Variants in ZSWIM8 observed in about 807,000 individuals in gnomAD.
The protein encoded by ZSWIM8 is zinc finger SWIM-type containing 8.
Under a neutral mutation model 173.7 loss-of-function variants are expected in ZSWIM8, and 27 were observed. That is an observed-to-expected ratio of 0.16 (90% CI 0.11 to 0.21). ZSWIM8 has a LOEUF of 0.21. Among genes scored for constraint, ZSWIM8 ranks in the 10% least tolerant of loss-of-function variants. The probability of loss-of-function intolerance (pLI) is 1.00; values close to 1 mark genes in which losing one functional copy is unlikely to be tolerated. For synonymous variants in ZSWIM8, 958 were observed against 962.0 expected, an observed-to-expected ratio of 1.00 and a Z score of 0.08; for missense variants, 1,627 against 2,428.8, an observed-to-expected ratio of 0.67 and a Z score of 6.94.
chr10:73,786,143 A>T, intron 1 of ZSWIM8, 57 bp downstream of exon 1: 1 of 1,457,752 alleles, frequency 6.9e-7, no homozygotes, highest in Non-Finnish European at 9.1e-7. Context: ...CTCGCTCGGG[A>T]GCTGTCCGGG....
rs560039571 is a variant in ZSWIM8, at chr10:73,791,919, G to A, written c.1380G>A (p.Lys460=). 247 of 1,551,874 alleles carry A rather than the reference G, an allele frequency of 1.6e-4. 3 individuals are homozygous for A. In the African/African-American group the frequency reaches 2.5e-3, roughly 16 times the overall value. ...AACTGAAGGTGATTGAGAACGTCAA[G>A]CGGGGCCAACACAAGAAGACGCTGG... is the stretch of plus-strand genomic sequence containing the variant. ...QWQLKVIENV[K]RGQHKKTLER... Residue 460 remains lysine, a synonymous_variant, in exon 10 of 26, where the codon AAG becomes AAA. Coordinates refer to ENST00000604729, the MANE Select transcript of ZSWIM8 (RefSeq NM_001367799.1). The surrounding 1 kb of genome is among the most constrained non-coding windows in gnomAD (Gnocchi z 6.0).
intron 7 of ZSWIM8, 122 bp downstream of exon 7, chr10:73,790,414 G>A: frequency 1.4e-6 from 2 of 1,392,974 alleles, no homozygotes; most frequent in Non-Finnish European, 1.9e-6. Context: ...AACTGGCACA[G>A]TGCCTGGCAC....
Position 73,794,129 on chromosome 10 carries a change from T to C in ZSWIM8, c.2626-18T>C. On this transcript the variant is annotated intron_variant, in intron 12 of 25. Transcript: ENST00000604729. ...CTATTGACACACCAGAGGTCTGAGC[T>C]CCTTCCTGTGCCCTCAGGTGAAGCT... is the stretch of plus-strand genomic sequence containing the variant. The C allele has an allele frequency of 6.2e-7, 1 of 1,613,680 alleles. No homozygotes were observed. The highest frequency in any genetic ancestry group is 8.5e-7 in the Non-Finnish European group (1 of 1,179,670).
In ZSWIM8 at chr10:73,793,936, C is replaced by A; in HGVS notation, c.2517C>A (p.Phe839Leu). ...VATNTLSKAA[F>L]LLTVLSERPE... The stretch of plus-strand genomic sequence containing the variant: ...CCAACACCCTGAGCAAGGCGGCCTT[C>A]CTGTTGACAGTGCTAAGTGAGCGTC... Residue 839 changes from phenylalanine (F) to leucine (L), a missense_variant, in exon 12 of 26, where the codon TTC (phenylalanine) becomes TTA (leucine). Coordinates refer to ENST00000604729, the MANE Select transcript of ZSWIM8 (RefSeq NM_001367799.1). The A allele has an allele frequency of 1.2e-6, 2 of 1,613,530 alleles. No homozygotes were observed. Among genetic ancestry groups the A allele is most frequent in the Non-Finnish European group, 1.7e-6 (2 of 1,179,714 alleles).
Position 73,794,217 on chromosome 10 carries a change from T to C in ZSWIM8, c.2696T>C (p.Met899Thr). 6.2e-7 allele frequency: 1 copy of C among 1,614,004 alleles called. No individual in the cohort carries two copies. Among genetic ancestry groups the C allele is most frequent in the Non-Finnish European group, 8.5e-7 (1 of 1,179,886 alleles). ...LKKIPLGPSE[M>T]STMRCRAEEL... Reference sequence around the variant, plus strand: ...AAGATCCCTCTGGGTCCAAGTGAGATGAGTACCATGCGGTGCCGGGCAGAG... The same window carrying C: ...AAGATCCCTCTGGGTCCAAGTGAGACGAGTACCATGCGGTGCCGGGCAGAG... The change falls in exon 13 of 26, where the codon ATG becomes ACG. Residue 899 changes from methionine (M) to threonine (T), a missense_variant. Met to Thr is a moderately conservative substitution (Grantham distance 81, BLOSUM62 -1). Around this residue, in one of 18 missense-constraint regions of ZSWIM8, gnomAD observed 169 missense variants for 235.3 expected, o/e 0.72. Transcript: ENST00000604729.
In ZSWIM8 at chr10:73,801,689, T is replaced by C; in HGVS notation, c.*170T>C. The C allele has an allele frequency of 6.5e-7, 1 of 1,533,264 alleles. No individual in the cohort carries two copies. Among genetic ancestry groups the C allele is most frequent in the East Asian group, 2.5e-5 (1 of 40,762 alleles). 95.0% of individuals were successfully genotyped at this position (1,533,264 alleles called of 1,614,324 possible). A position where few individuals can be genotyped will look rare whatever the true frequency, so the allele number is the denominator to read the frequency against. ...CTTGGGGCCAAGATGTCTCACACCC[T>C]AGAAGCCTAGGGCTGGGGGAGACAG... On this transcript the variant is annotated 3_prime_UTR_variant, in exon 26 of 26. Transcript: ENST00000604729. This position sits in a 1 kb window ranked among gnomAD's most constrained non-coding sequence, Gnocchi z 4.9.
chr10:73,799,955 G>C, intron 21 of ZSWIM8, 56 bp from the exon 22 acceptor site: 1 of 1,569,498 alleles, frequency 6.4e-7, no homozygotes, highest in East Asian at 2.2e-5. Context: ...GGTGAAGCAC[G>C]ACAGCAACAT....
chr10:73,796,908 G>A lies in ZSWIM8; in HGVS notation c.3168G>A (p.Gly1056=). The change falls in exon 16 of 26, where the codon GGG becomes GGA. Residue 1056 remains glycine (G), a synonymous_variant. Transcript: ENST00000604729. ...AGCACGGGGGCCCATCTGCCCCAGG[G>A]GCCCTGCAACCACTGACCTCAGGCT... is the stretch of plus-strand genomic sequence containing the variant. ...PSKHGGPSAP[G]ALQPLTSGSA... is the part of the protein sequence containing the mutation. 1.2e-6 allele frequency: 2 copies of A among 1,614,034 alleles called. No homozygotes were observed. Among genetic ancestry groups the A allele is most frequent in the Non-Finnish European group, 8.5e-7 (1 of 1,179,896 alleles).
In ZSWIM8 at chr10:73,791,352, C is replaced by T. The variant is rs1220310607; in HGVS notation, c.1172C>T (p.Thr391Ile). 6.2e-7 allele frequency: 1 copy of T among 1,612,790 alleles called. No homozygotes were observed. The highest frequency in any genetic ancestry group is 1.1e-5 in the South Asian group (1 of 91,012). The change falls in exon 9 of 26, where the codon ACC (threonine) becomes ATC (isoleucine). Residue 391 changes from threonine to isoleucine, a missense_variant. Physicochemically the swap from Thr to Ile is moderately conservative, Grantham distance 89 (BLOSUM62 -1). Around this residue, in one of 18 missense-constraint regions of ZSWIM8, gnomAD observed 103 missense variants for 155.6 expected, o/e 0.66. Transcript: ENST00000604729. The surrounding 1 kb of genome is among the most constrained non-coding windows in gnomAD (Gnocchi z 6.0). ...ACAGGTTGGTGGTATAGCGTACGTA[C>T]CTCAGCCTCACACAGCAGTGCCAGT... ...QITGWWYSVRTSASHSSASGH... is the reference protein window; with the variant it reads ...QITGWWYSVRISASHSSASGH...
At chr10:73,794,446 G>A in intron 13 of ZSWIM8, 95 bp from the exon 14 acceptor site, 1 of 1,556,140 alleles carries the variant, frequency 6.4e-7, no homozygotes, top group Admixed American at 1.8e-5. Context: ...GCAGCTTCAT[G>A]GGTAGGTCTG....
Position 73,798,316 on chromosome 10 carries a change from C to G in ZSWIM8, c.4039C>G (p.Leu1347Val). 1 of 1,614,054 alleles carries G rather than the reference C, an allele frequency of 6.2e-7. No individual in the cohort carries two copies. The highest frequency in any genetic ancestry group is 8.5e-7 in the Non-Finnish European group (1 of 1,179,898). The part of the protein sequence containing the change: ...GHLTPPEVAS[L>V]ADRASRARDS... The stretch of plus-strand genomic sequence containing the variant: ...CCTGACACCCCCTGAGGTTGCATCC[C>G]TGGCTGACAGGGCATCACGGGCAAG... Residue 1347 changes from leucine (L) to valine (V), a missense_variant, in exon 20 of 26, where the codon CTG (leucine) becomes GTG (valine). Leu to Val is a conservative substitution (Grantham distance 32, BLOSUM62 1). This residue lies in a region of ZSWIM8 where 95 missense variants were observed against 271.3 expected (regional missense o/e 0.35). Transcript: ENST00000604729.
rs573099463 is a variant in ZSWIM8 at position 73,786,345 on chromosome 10, T to C, written c.208+259T>C. 2.1e-3 allele frequency: 748 copies of C among 359,424 alleles called. 5 individuals are homozygous for C. Among genetic ancestry groups the C allele is most frequent in the African/African-American group, 9.8e-3 (462 of 47,336 alleles). 22.3% of individuals were successfully genotyped at this position (359,424 alleles called of 1,614,324 possible). Reference sequence around the variant, plus strand: ...GTGTGTGGGTGTGTGTGTGTGTGTGTGCGCGCGCGCGCGTGCGCGCGCTGT... The same window carrying C: ...GTGTGTGGGTGTGTGTGTGTGTGTGCGCGCGCGCGCGCGTGCGCGCGCTGT... On this transcript the variant is annotated intron_variant, in intron 1 of 25. Coordinates refer to ENST00000604729, the MANE Select transcript of ZSWIM8 (RefSeq NM_001367799.1).
intron 10 of ZSWIM8, 84 bp from the exon 11 acceptor site, chr10:73,793,504 G>A (rs1589570172): frequency 8.8e-6 from 13 of 1,469,400 alleles, no homozygotes; most frequent in East Asian, 2.3e-5. Context: ...AGTGTTCAAG[G>A]AATGTTGGCT....
rs2083204091 is a variant in ZSWIM8, at chr10:73,786,050, G to A, written c.172G>A (p.Gly58Ser). The A allele has an allele frequency of 6.3e-7, 1 of 1,592,080 alleles. No individual in the cohort carries two copies. Among genetic ancestry groups the A allele is most frequent in the Admixed American group, 1.7e-5 (1 of 57,810 alleles). The stretch of plus-strand genomic sequence containing the variant: ...GGGGCCCAATTCCCCCACTGGCGGC[G>A]GTGGCGGAGGTGGCAGTGGCGGTAC... ...SAGPNSPTGG[G>S]GGGGSGGTRM... is the part of the protein sequence containing the mutation. The change falls in exon 1 of 26, where the codon GGT becomes AGT. Residue 58 changes from glycine (G) to serine (S), a missense_variant. Gly to Ser is a moderately conservative substitution (Grantham distance 56, BLOSUM62 0). Coordinates refer to ENST00000604729, the MANE Select transcript of ZSWIM8 (RefSeq NM_001367799.1).
At chr10:73,788,320 C>T (rs1003058862) in intron 1 of ZSWIM8, among the ~76,000 whole-genome samples, 2 of 151,880 alleles carry the variant, frequency 1.3e-5, no homozygotes, top group African/African-American at 4.8e-5. Flanking sequence ...TTAAAATGCT[C>T]ATGGAATATG....
intron 7 of ZSWIM8, among the ~76,000 whole-genome samples, chr10:73,790,739 C>T (rs1030072257): frequency 6.6e-6 from 1 of 152,018 alleles, no homozygotes; most frequent in Non-Finnish European, 1.5e-5. Flanking sequence ...ATCTCAGCTA[C>T]TTGGGAGGCT....
In ZSWIM8 at chr10:73,792,192, C is replaced by T. The variant is rs1357041725; in HGVS notation, c.1653C>T (p.Gly551=). The T allele has an allele frequency of 2.6e-6, 4 of 1,534,338 alleles. No individual in the cohort carries two copies. Among genetic ancestry groups the T allele is most frequent in the Non-Finnish European group, 3.5e-6 (4 of 1,142,098 alleles). The part of the protein sequence containing the change: ...RPKEPGTKRK[G]LGEGVPSSQR... The stretch of plus-strand genomic sequence containing the variant: ...AGGAGCCTGGGACCAAGCGAAAGGG[C>T]TTGGGTGAGGGGGTCCCCTCATCAC... Residue 551 remains glycine, a synonymous_variant, in exon 10 of 26, where the codon GGC becomes GGT. Transcript: ENST00000604729. The surrounding 1 kb of genome is among the most constrained non-coding windows in gnomAD (Gnocchi z 4.3).
chr10:73,786,397 T>C (rs2083227733), intron 1 of ZSWIM8: 1 of 336,594 alleles, frequency 3.0e-6, no homozygotes. Flanking sequence ...GGACAGAAAG[T>C]AAATCTTTCG....
intron 1 of ZSWIM8, 104 bp downstream of exon 1, chr10:73,786,190 C>T (rs550432303): frequency 4.5e-4 from 577 of 1,276,562 alleles, no homozygotes; most frequent in Non-Finnish European, 5.8e-4. Context: ...TCTCTTCAAC[C>T]AGGGGAAGAA....
Sources: allele counts gnomAD v4.1 joint callset (sites outside exome capture counted in the v4.1 genomes callset), GRCh38; gene constraint gnomAD v4.1.1; regional missense constraint gnomAD v4.1.1; non-coding constraint Gnocchi (gnomAD v3.1); transcripts MANE v1.5; gene names NCBI Gene and HGNC (gene_info 2026-07-23, HGNC 2026-07-21).